The following IL1RAPL1 variants were observed in gnomAD, a reference collection of about 807,000 sequenced individuals.
IL1RAPL1 encodes interleukin-1 receptor accessory protein-like 1.
In IL1RAPL1, 3 loss-of-function variants were observed where a neutral mutation model predicts 48.4. That is an observed-to-expected ratio of 0.06 (90% CI 0.03 to 0.16). The LOEUF is 0.16. Among genes scored for constraint, IL1RAPL1 ranks in the 10% least tolerant of loss-of-function variants. IL1RAPL1 has a pLI of 1.00. For missense variants in IL1RAPL1, 349 were observed against 530.6 expected (o/e 0.66, Z 3.36); for synonymous variants, 185 against 187.7 (o/e 0.99, Z 0.12).
At chrX:29,005,399 A>G (rs1197668893) in intron 2 of IL1RAPL1, among the ~76,000 whole-genome samples, 1 of 112,117 alleles carries the variant, frequency 8.9e-6, no homozygotes, top group Non-Finnish European at 1.9e-5. Context: ...ATATTAGCAT[A>G]GAATATATGA....
chrX:29,811,722 G>A (rs919223223), intron 6 of IL1RAPL1, among the ~76,000 whole-genome samples: 1 of 111,732 alleles, frequency 8.9e-6, no homozygotes, highest in African/African-American at 3.3e-5. Flanking sequence ...TTTAACAGCT[G>A]TATACCTATT....
At chrX:29,110,755 T>C (rs1015335014) in intron 2 of IL1RAPL1, among the ~76,000 whole-genome samples, 1 of 111,681 alleles carries the variant, frequency 9.0e-6, no homozygotes, top group East Asian at 2.8e-4. Context: ...TGTGAGACGC[T>C]GAACTCTTTG....
At chrX:29,464,522 T>A (rs979136255) in intron 5 of IL1RAPL1, among the ~76,000 whole-genome samples, 2 of 112,359 alleles carry the variant, frequency 1.8e-5, no homozygotes, top group Non-Finnish European at 3.8e-5. Flanking sequence ...CAAACTTCTT[T>A]ACAGTACTCT....
intron 3 of IL1RAPL1, among the ~76,000 whole-genome samples, chrX:29,343,740 T>A (rs761201123): frequency 1.9e-5 from 2 of 107,327 alleles, no homozygotes; most frequent in South Asian, 3.9e-4. Flanking sequence ...AGTTTTTTTT[T>A]ACATTAGAAA....
chrX:29,049,793 A>G (rs1366994252), intron 2 of IL1RAPL1, among the ~76,000 whole-genome samples: 2 of 112,561 alleles, frequency 1.8e-5, no homozygotes, highest in East Asian at 2.8e-4. Context: ...AAACATTGCA[A>G]AGATAATACA....
At chrX:28,650,657 C>A (rs772068097) in intron 1 of IL1RAPL1, among the ~76,000 whole-genome samples, 1 of 111,789 alleles carries the variant, frequency 8.9e-6, no homozygotes, top group African/African-American at 3.3e-5. Flanking sequence ...CTGTTAGTGC[C>A]TCTAAGTCAA....
intron 1 of IL1RAPL1, among the ~76,000 whole-genome samples, chrX:28,625,785 T>C (rs1180483360): frequency 9.0e-6 from 1 of 110,795 alleles, no homozygotes; most frequent in Non-Finnish European, 1.9e-5. Context: ...CAAGAATCTA[T>C]ATAGGTGCTT....
intron 6 of IL1RAPL1, among the ~76,000 whole-genome samples, chrX:29,843,289 G>A (rs1260030920): frequency 1.8e-5 from 2 of 111,764 alleles, no homozygotes; most frequent in East Asian, 5.6e-4. Flanking sequence ...AACATGCATG[G>A]GCCTTAGTAG....
chrX:29,782,731 G>A (rs1230858505), intron 6 of IL1RAPL1, among the ~76,000 whole-genome samples: 2 of 109,687 alleles, frequency 1.8e-5, no homozygotes, highest in Non-Finnish European at 3.8e-5. Flanking sequence ...AAGGATATAG[G>A]AAAAAGCATT....
At chrX:29,150,985 A>C (rs930895013) in intron 2 of IL1RAPL1, among the ~76,000 whole-genome samples, 7 of 110,224 alleles carry the variant, frequency 6.4e-5, no homozygotes, top group South Asian at 7.9e-4. Flanking sequence ...CCTGCCCTAG[A>C]TGCTAAACCT....
chrX:29,275,285 G>T (rs1370215963), intron 2 of IL1RAPL1, among the ~76,000 whole-genome samples: 1 of 111,635 alleles, frequency 9.0e-6, no homozygotes, highest in Non-Finnish European at 1.9e-5. Context: ...GTTTTAAAAA[G>T]TCCTCCAGGT....
At position 28,718,280 on chromosome X, in the gene IL1RAPL1, T is replaced by C. The variant is rs779950096; in HGVS notation, c.-24-71040T>C. Among the ~76,000 whole-genome samples the C allele has an allele frequency of 3.1e-4, 35 of 111,941 alleles. No individual in the cohort carries two copies. The South Asian group carries it at 8.1e-3, about 26-fold the overall frequency. On this transcript the variant is annotated intron_variant, in intron 1 of 10. Coordinates refer to ENST00000378993, the MANE Select transcript of IL1RAPL1 (RefSeq NM_014271.4). ...TGATGTTTGATGGGTTTTTAAAATA[T>C]CGTATAATGTTCTTTATTCATTTTT...
intron 6 of IL1RAPL1, among the ~76,000 whole-genome samples, chrX:29,748,727 A>G (rs1202828074): frequency 1.8e-5 from 2 of 109,584 alleles, no homozygotes; most frequent in African/African-American, 6.7e-5. Context: ...ACAAATTGAT[A>G]TTTTTGTTAA....
At chrX:28,590,324 G>A (rs1349429654) in intron 1 of IL1RAPL1, among the ~76,000 whole-genome samples, 1 of 111,520 alleles carries the variant, frequency 9.0e-6, no homozygotes, top group East Asian at 2.8e-4. Flanking sequence ...TCAGGGAGAT[G>A]AGATGATTTT....
chrX:29,496,298 T>G (rs1426858208), intron 5 of IL1RAPL1, among the ~76,000 whole-genome samples: 3 of 110,547 alleles, frequency 2.7e-5, no homozygotes, highest in African/African-American at 9.9e-5. Context: ...CATCCAAATC[T>G]CATGTTGAGT....
chrX:29,147,033 G>C (rs1929365641), intron 2 of IL1RAPL1, among the ~76,000 whole-genome samples: 1 of 112,258 alleles, frequency 8.9e-6, no homozygotes, highest in African/African-American at 3.2e-5. Flanking sequence ...TATAAGATGG[G>C]CCATAATCCC....
At chrX:29,734,009 G>C (rs750449665) in intron 6 of IL1RAPL1, among the ~76,000 whole-genome samples, 4 of 112,576 alleles carry the variant, frequency 3.6e-5, no homozygotes, top group African/African-American at 1.3e-4. Context: ...TTCTTTCTGC[G>C]CAAGTTGAAA....
At chrX:28,625,423 C>T (rs1170366541) in intron 1 of IL1RAPL1, among the ~76,000 whole-genome samples, 1 of 112,143 alleles carries the variant, frequency 8.9e-6, no homozygotes, top group Non-Finnish European at 1.9e-5. Flanking sequence ...CTTCAAACTA[C>T]ATATTTGTAA....
rs763851710 is a variant in IL1RAPL1, at chrX:28,777,850, C to T, written c.-24-11470C>T. On this transcript the variant is annotated intron_variant, in intron 1 of 10. Coordinates refer to ENST00000378993, the MANE Select transcript of IL1RAPL1 (RefSeq NM_014271.4). ...ATCTAGTGAATACAGGCCATGGATG[C>T]TGCTAAACATCCTACAATGTACAGG... is the stretch of plus-strand genomic sequence containing the variant. Among the ~76,000 whole-genome samples the T allele has an allele frequency of 3.6e-5, 4 of 111,364 alleles. No homozygotes were observed. In the South Asian group the frequency reaches 1.5e-3, roughly 42 times the overall value.
Sources: allele counts gnomAD v4.1 joint callset (sites outside exome capture counted in the v4.1 genomes callset), GRCh38; gene constraint gnomAD v4.1.1; transcripts MANE v1.5; gene names NCBI Gene and HGNC (gene_info 2026-07-23, HGNC 2026-07-21).